RSPO2: variants seen among roughly 807,000 people sequenced by gnomAD.
The protein encoded by RSPO2 is R-spondin 2, also known as R-spondin-2.
RSPO2 carries 14 observed loss-of-function variants against 30.9 expected under a neutral mutation model. That is an observed-to-expected ratio of 0.45 (90% confidence interval 0.30 to 0.71). The LOEUF (loss-of-function observed/expected upper bound fraction) is 0.71, where lower values mean the gene tolerates loss of function less well. Ranked by LOEUF, RSPO2 falls within the 30% of genes least tolerant of loss-of-function variation. The pLI is 0.08. For synonymous variants in RSPO2, 107 were observed against 96.4 expected (o/e 1.11, Z -0.64); for missense variants, 264 against 301.9 (o/e 0.87, Z 0.93).
At chr8:107,912,256 C>T (rs79677407) in intron 5 of RSPO2, among the ~76,000 whole-genome samples, 1 of 152,200 alleles carries the variant, frequency 6.6e-6, no homozygotes, top group Non-Finnish European at 1.5e-5. Flanking sequence ...CATGCACCAA[C>T]TCCTGAAAGC....
In RSPO2 at chr8:108,004,017, T is replaced by C. The variant is rs57501366; in HGVS notation, c.95-14773A>G. On this transcript the variant is annotated intron_variant, in intron 2 of 5. Transcript: ENST00000276659. Reference sequence around the variant, plus strand: ...GTTCGCTGCTCCTTTCCTCCGTTTTTAGCTACAACAAAATAATCAAAGTTC... The same window carrying C: ...GTTCGCTGCTCCTTTCCTCCGTTTTCAGCTACAACAAAATAATCAAAGTTC... Among the ~76,000 whole-genome samples, 757 of 152,330 alleles carry C rather than the reference T, an allele frequency of 5.0e-3. 9 individuals are homozygous for C. The highest frequency in any genetic ancestry group is 0.017 in the African/African-American group (727 of 41,568).
At chr8:107,924,638 G>T (rs1339399379) in intron 5 of RSPO2, among the ~76,000 whole-genome samples, 1 of 151,934 alleles carries the variant, frequency 6.6e-6, no homozygotes, top group East Asian at 1.9e-4. Context: ...GAGCAGTAGG[G>T]TACTGATGAA....
chr8:107,975,419 A>G (rs1450168822), intron 3 of RSPO2, among the ~76,000 whole-genome samples: 1 of 152,226 alleles, frequency 6.6e-6, no homozygotes, highest in Non-Finnish European at 1.5e-5. Flanking sequence ...TCTCCGCTAC[A>G]TACTAATTGA....
chr8:108,033,611 T>C (rs1811499600), intron 2 of RSPO2, among the ~76,000 whole-genome samples: 1 of 152,238 alleles, frequency 6.6e-6, no homozygotes. Context: ...TAGACCTCTT[T>C]GGAGTCACTG....
chr8:108,058,534 C>A (rs1030113829), intron 2 of RSPO2, among the ~76,000 whole-genome samples: 1 of 152,056 alleles, frequency 6.6e-6, no homozygotes. Context: ...GAGCCTGCAT[C>A]GCCAAGTCAA....
At chr8:107,926,788 G>C (rs1312224322) in intron 5 of RSPO2, among the ~76,000 whole-genome samples, 3 of 152,092 alleles carry the variant, frequency 2.0e-5, no homozygotes, top group African/African-American at 7.2e-5. Context: ...ATGCTGTTTT[G>C]GTTACTGTAG....
intron 2 of RSPO2, among the ~76,000 whole-genome samples, chr8:108,014,662 G>A (rs1810819285): frequency 6.6e-6 from 1 of 151,982 alleles, no homozygotes; most frequent in South Asian, 2.1e-4. Flanking sequence ...CATGGACACA[G>A]GGAGGGGAAC....
intron 5 of RSPO2, among the ~76,000 whole-genome samples, chr8:107,905,057 A>C (rs563521106): frequency 6.6e-6 from 1 of 152,248 alleles, no homozygotes; most frequent in East Asian, 1.9e-4. Context: ...GAACCAAGAT[A>C]TAGGCAGACT....
intron 5 of RSPO2, among the ~76,000 whole-genome samples, chr8:107,947,502 C>A (rs1212198506): frequency 7.2e-5 from 11 of 152,166 alleles, no homozygotes; most frequent in Admixed American, 3.9e-4. Flanking sequence ...AAAAGAGATA[C>A]AGGGGCCACA....
chr8:107,921,172 T>A (rs1812155905), intron 5 of RSPO2, among the ~76,000 whole-genome samples: 1 of 152,078 alleles, frequency 6.6e-6, no homozygotes, highest in Non-Finnish European at 1.5e-5. Flanking sequence ...CAGCTATTAA[T>A]GTTGTCTGTA....
rs1257981969 is a variant in RSPO2, at chr8:107,950,172, ATAAG to A, written c.616+7904_616+7907del. ...ACACTTTAATGTGTCTGAAATTGGA[ATAAG>A]TATTTGTATATATGTGCATGTGTGT... On this transcript the variant is annotated intron_variant, in intron 5 of 5. Transcript: ENST00000276659. Among the ~76,000 whole-genome samples, 5 of 152,234 alleles carry A rather than the reference ATAAG, an allele frequency of 3.3e-5. No individual in the cohort carries two copies. In the South Asian group the frequency reaches 6.2e-4, roughly 19 times the overall value.
intron 3 of RSPO2, among the ~76,000 whole-genome samples, chr8:107,975,671 A>G (rs117158509): frequency 0.025 from 3,824 of 152,314 alleles, 73 homozygotes; most frequent in Non-Finnish European, 0.038. Context: ...ATGTACTGAG[A>G]ACTTATGAGA....
At chr8:108,049,190 A>C (rs1394284951) in intron 2 of RSPO2, among the ~76,000 whole-genome samples, 1 of 151,942 alleles carries the variant, frequency 6.6e-6, no homozygotes, top group Admixed American at 6.6e-5. Context: ...TGGCACACGT[A>C]TACCTATGTA....
chr8:108,022,945 C>A (rs6469156), intron 2 of RSPO2, among the ~76,000 whole-genome samples: 58,953 of 147,204 alleles, frequency 0.4, 12,869 homozygotes, highest in African/African-American at 0.58. Context: ...AAAAAAAAAA[C>A]CACACACACA....
At chr8:107,973,854 A>T (rs544692369) in intron 3 of RSPO2, among the ~76,000 whole-genome samples, 1 of 152,284 alleles carries the variant, frequency 6.6e-6, no homozygotes, top group South Asian at 2.1e-4. Context: ...CCCTCTTTGG[A>T]AAAAGCATAA....
At chr8:107,945,777 T>C (rs144135129) in intron 5 of RSPO2, among the ~76,000 whole-genome samples, 1 of 152,324 alleles carries the variant, frequency 6.6e-6, no homozygotes, top group East Asian at 1.9e-4. Flanking sequence ...ACCATTAGCC[T>C]GCCCTGTTCA....
intron 5 of RSPO2, among the ~76,000 whole-genome samples, chr8:107,938,963 A>G (rs1812801582): frequency 6.6e-6 from 1 of 152,210 alleles, no homozygotes; most frequent in African/African-American, 2.4e-5. Flanking sequence ...TTTAATGAAT[A>G]GTAGGAATCA....
At chr8:108,003,722 C>T (rs1197044151) in intron 2 of RSPO2, among the ~76,000 whole-genome samples, 2 of 151,984 alleles carry the variant, frequency 1.3e-5, no homozygotes, top group African/African-American at 4.8e-5. Flanking sequence ...AGATTGCAGG[C>T]TACAGGTTTT....
At chr8:107,947,101 T>TA (rs1414790175) in intron 5 of RSPO2, among the ~76,000 whole-genome samples, 4 of 152,260 alleles carry the variant, frequency 2.6e-5, no homozygotes, top group Admixed American at 6.5e-5. Flanking sequence ...ACACAGCATT[T>TA]AACTCAGAAT....
Sources: allele counts gnomAD v4.1 joint callset (sites outside exome capture counted in the v4.1 genomes callset), GRCh38; gene constraint gnomAD v4.1.1; transcripts MANE v1.5; gene names NCBI Gene and HGNC (gene_info 2026-07-23, HGNC 2026-07-21).